GSE1: variants seen among roughly 807,000 people sequenced by gnomAD.
GSE1 encodes genetic suppressor element 1.
A neutral mutation model predicts 112.6 loss-of-function variants in GSE1; 32 were observed. The observed-to-expected ratio is 0.28, with a 90% CI of 0.21 to 0.38. The LOEUF (loss-of-function observed/expected upper bound fraction) is 0.38. Ranked by LOEUF, GSE1 falls within the 10% of genes least tolerant of loss-of-function variation. The pLI, the probability that GSE1 is intolerant of heterozygous loss-of-function variation, is 1.00. For synonymous variants in GSE1, 1,115 were observed against 735.6 expected, an observed-to-expected ratio of 1.52 and a Z score of -8.35; for missense variants, 2,348 against 1,699.2, an observed-to-expected ratio of 1.38 and a Z score of -6.71.
At chr16:85,255,357 AC>A (rs1597204325) in intron 1 of GSE1, among the ~76,000 whole-genome samples, 1 of 146,202 alleles carries the variant, frequency 6.8e-6, no homozygotes, top group Non-Finnish European at 1.5e-5. Context: ...CACTGATGAT[AC>A]CCCTCCCAGC....
At chr16:85,431,590 C>T (rs1024983738) in intron 2 of GSE1, among the ~76,000 whole-genome samples, 3 of 152,192 alleles carry the variant, frequency 2.0e-5, no homozygotes, top group Non-Finnish European at 2.9e-5. Context: ...GTGGCCGTGG[C>T]AGCCTCAGAG....
intron 2 of GSE1, among the ~76,000 whole-genome samples, chr16:85,494,037 G>A (rs904191586): frequency 6.6e-6 from 1 of 152,230 alleles, no homozygotes; most frequent in Non-Finnish European, 1.5e-5. Context: ...TCACAACATT[G>A]CACTCCCGCC....
chr16:85,422,107 C>T (rs2048858708), intron 2 of GSE1, among the ~76,000 whole-genome samples: 1 of 152,164 alleles, frequency 6.6e-6, no homozygotes, highest in Non-Finnish European at 1.5e-5. Flanking sequence ...AGGCCATCAT[C>T]GAACCCCCAT....
chr16:85,637,663 T>C (rs2050115724), intron 2 of GSE1, among the ~76,000 whole-genome samples: 1 of 152,208 alleles, frequency 6.6e-6, no homozygotes, highest in South Asian at 2.1e-4. Flanking sequence ...GGTCCCACGT[T>C]GTAAGTGGCA....
chr16:85,477,304 C>T (rs1012809145), intron 2 of GSE1, among the ~76,000 whole-genome samples: 8 of 152,188 alleles, frequency 5.3e-5, no homozygotes, highest in Admixed American at 2.0e-4. Flanking sequence ...TATACAGGAG[C>T]TGCTCAGTGA....
chr16:85,613,481 C>A lies in GSE1; in HGVS notation c.7+83C>A, dbSNP rs1414121377. On this transcript the variant is annotated intron_variant, in intron 1 of 15. Coordinates refer to ENST00000253458, the MANE Select transcript of GSE1 (RefSeq NM_014615.5). Reference sequence around the variant, plus strand: ...TCCTCCTGCAAGTTCGCGGGTTTCGCGGGGGCGGCCGCCAACGGCTCCCGG... The same window carrying A: ...TCCTCCTGCAAGTTCGCGGGTTTCGAGGGGGCGGCCGCCAACGGCTCCCGG... 4 of 1,267,358 alleles carry A rather than the reference C, an allele frequency of 3.2e-6. No individual in the cohort carries two copies. In the African/African-American group the frequency reaches 4.7e-5, roughly 15 times the overall value. The allele number at this position is 1,267,358 out of a possible 1,614,324, so 78.5% of individuals were successfully genotyped here.
At chr16:85,204,104 A>T (rs1034914458) in intron 1 of GSE1, among the ~76,000 whole-genome samples, 24 of 152,176 alleles carry the variant, frequency 1.6e-4, no homozygotes, top group Non-Finnish European at 2.9e-5. Context: ...AAGGATACCC[A>T]TACCTGTTAA....
chr16:85,329,699 C>T (rs1441152776), intron 1 of GSE1, among the ~76,000 whole-genome samples: 1 of 152,010 alleles, frequency 6.6e-6, no homozygotes, highest in Non-Finnish European at 1.5e-5. Context: ...ATTCCTTGGG[C>T]TTGGTTATTA....
chr16:85,226,629 G>C (rs2075490588), intron 1 of GSE1, among the ~76,000 whole-genome samples: 1 of 152,156 alleles, frequency 6.6e-6, no homozygotes, highest in South Asian at 2.1e-4. Flanking sequence ...TGCCGGTGCT[G>C]TTGTGAGGTT....
intron 1 of GSE1, among the ~76,000 whole-genome samples, chr16:85,586,646 C>A (rs541099046): frequency 5.3e-4 from 81 of 152,234 alleles, no homozygotes; most frequent in South Asian, 1.4e-3. Context: ...CCCGCGCCCC[C>A]CCGACTGCCG....
chr16:85,335,013 C>T (rs2046452940), intron 1 of GSE1, among the ~76,000 whole-genome samples: 1 of 152,242 alleles, frequency 6.6e-6, no homozygotes, highest in East Asian at 1.9e-4. Flanking sequence ...GACCCCTGCT[C>T]CTTCCTTCAG....
At chr16:85,665,610 C>T (rs1028809128) in intron 12 of GSE1, among the ~76,000 whole-genome samples, 2 of 152,180 alleles carry the variant, frequency 1.3e-5, no homozygotes, top group East Asian at 1.9e-4. Flanking sequence ...TTCTGGCTGG[C>T]CTCTGCCCTG....
At chr16:85,292,400 CT>C (rs1402600937) in intron 1 of GSE1, among the ~76,000 whole-genome samples, 13 of 151,406 alleles carry the variant, frequency 8.6e-5, no homozygotes, top group Admixed American at 7.2e-4. Context: ...GCGATCTTGG[CT>C]CACTGCAACC....
Position 85,269,921 on chromosome 16 carries a change from G to A in GSE1, c.2284-87542G>A, listed in dbSNP as rs547081032. On this transcript the variant is annotated intron_variant, in intron 1 of 2. Coordinates refer to the GSE1 transcript ENST00000637419. ...CGACATGTAGCTGCGTTCTGTGGAC[G>A]CTTTGGAGGGCTTTTGTGGTTTGCA... is the stretch of plus-strand genomic sequence containing the variant. 1.4e-3 allele frequency among the ~76,000 whole-genome samples: 204 copies of A among 149,670 alleles called. 7 individuals are homozygous for A. The highest frequency in any genetic ancestry group is 3.6e-3 in the Admixed American group (54 of 15,064).
At chr16:85,227,381 A>G (rs1476210379) in intron 1 of GSE1, among the ~76,000 whole-genome samples, 2 of 152,212 alleles carry the variant, frequency 1.3e-5, no homozygotes, top group African/African-American at 4.8e-5. Flanking sequence ...GTATGTCCAG[A>G]GGATGAGGTG....
At chr16:85,555,072 G>A (rs2045132295), upstream of GSE1, 7 of 985,422 alleles carry the variant, frequency 7.1e-6, no homozygotes, top group Non-Finnish European at 7.2e-6. Flanking sequence ...GAAGCATGGA[G>A]CTGTTGGAAG....
chr16:85,418,025 G>C (rs887952244), intron 2 of GSE1, among the ~76,000 whole-genome samples: 12 of 152,314 alleles, frequency 7.9e-5, no homozygotes, highest in Non-Finnish European at 1.6e-4. Context: ...TTTTAGTAGA[G>C]ATGGGGTTTC....
chr16:85,671,701 G>C (rs1269294293), intron 15 of GSE1: 6 of 153,502 alleles, frequency 3.9e-5, no homozygotes, highest in African/African-American at 1.4e-4. Context: ...GCTGTTTGTA[G>C]AATGAATTAT....
At chr16:85,403,403 G>A (rs1411299588) in intron 2 of GSE1, among the ~76,000 whole-genome samples, 2 of 152,308 alleles carry the variant, frequency 1.3e-5, no homozygotes, top group East Asian at 3.9e-4. Flanking sequence ...CGTCAAAGCT[G>A]CCCCCAACAC....
Sources: allele counts gnomAD v4.1 joint callset (sites outside exome capture counted in the v4.1 genomes callset), GRCh38; gene constraint gnomAD v4.1.1; transcripts MANE v1.5; gene names NCBI Gene and HGNC (gene_info 2026-07-23, HGNC 2026-07-21).